The following POLR1F variants were observed in gnomAD, a reference collection of about 807,000 sequenced individuals.
POLR1F encodes the protein RNA polymerase I subunit F.
A neutral mutation model predicts 21.8 loss-of-function variants in POLR1F; 23 were observed. The observed-to-expected ratio is 1.05, with a 90% confidence interval of 0.76 to 1.49. The LOEUF (loss-of-function observed/expected upper bound fraction) is 1.49. Among genes scored for constraint, POLR1F ranks in the 40% most tolerant of loss-of-function variants. The pLI, the probability that POLR1F is intolerant of heterozygous loss-of-function variation, is 0.00. For synonymous variants in POLR1F, 162 were observed against 152.8 expected, an observed-to-expected ratio of 1.06 and a Z score of -0.45; for missense variants, 435 against 412.1, an observed-to-expected ratio of 1.06 and a Z score of -0.48.
chr7:19,706,561 A>C (rs1783528486), intron 1 of POLR1F, among the ~76,000 whole-genome samples: 1 of 152,192 alleles, frequency 6.6e-6, no homozygotes, highest in Non-Finnish European at 1.5e-5. Context: ...GTCTGATACA[A>C]TGAGGAAATG....
At chr7:19,698,792 C>T (rs958105158) in intron 3 of POLR1F, 65 bp from the exon 4 acceptor site, 7 of 1,315,026 alleles carry the variant, frequency 5.3e-6, no homozygotes, top group Admixed American at 5.4e-5. Context: ...AAATTGAGAT[C>T]AAGATATCCC....
rs770139168 is a variant in POLR1F at position 19,697,354 on chromosome 7, G to A, written c.*962C>T. 2.0e-5 allele frequency: 3 copies of A among 152,090 alleles called. No individual in the cohort carries two copies. The highest frequency in any genetic ancestry group is 4.4e-5 in the Non-Finnish European group (3 of 67,982). 9.4% of individuals were successfully genotyped at this position (152,090 alleles called of 1,614,324 possible). A position where few individuals can be genotyped will look rare whatever the true frequency, so the allele number is the denominator to read the frequency against. On this transcript the variant is annotated 3_prime_UTR_variant, in exon 4 of 4. Coordinates refer to ENST00000222567, the MANE Select transcript of POLR1F (RefSeq NM_001002926.2). ...CAGAATGTGTTATACAAAGTAGATG[G>A]TCAAGTGTGTGGAAAATGAATAAAT...
Position 19,698,480 on chromosome 7 carries a change from G to C in POLR1F, c.853C>G (p.Gln285Glu), listed in dbSNP as rs1023296058. 6 of 1,611,842 alleles carry C rather than the reference G, an allele frequency of 3.7e-6. No homozygotes were observed. The highest frequency in any genetic ancestry group is 2.5e-6 in the Non-Finnish European group (3 of 1,179,438). ...ACAGGGTCCTGGTCCTGAACTTCCT[G>C]GTGCTTTTTCTTCTTCTTCTTTTTC... is the stretch of plus-strand genomic sequence containing the variant. ...PKKKKKKKKH[Q>E]EVQDQDPVFQ... The change falls in exon 4 of 4, where the codon CAG becomes GAG. Residue 285 changes from glutamine to glutamate, a missense_variant. Coordinates refer to ENST00000222567, the MANE Select transcript of POLR1F (RefSeq NM_001002926.2).
chr7:19,702,874 A>C (rs150777611), intron 2 of POLR1F, among the ~76,000 whole-genome samples: 12 of 152,332 alleles, frequency 7.9e-5, no homozygotes, highest in Non-Finnish European at 1.5e-4. Context: ...ACAATAGCAA[A>C]TGTTAATAAC....
rs746754453 is a variant in POLR1F at position 19,709,021 on chromosome 7, C to CT, written c.-6dup. ...CTCTGAGCAACCTGCAGCCATGCTGCTTGTCAAGGTTCCCACGGCGCGCGC... is the reference window on the plus strand; with the variant it reads ...CTCTGAGCAACCTGCAGCCATGCTGCTTTGTCAAGGTTCCCACGGCGCGCGC... On this transcript the variant is annotated 5_prime_UTR_variant, in exon 1 of 4. Transcript: ENST00000222567. The CT allele has an allele frequency of 1.3e-6, 2 of 1,566,894 alleles. No homozygotes were observed. Among genetic ancestry groups the CT allele is most frequent in the South Asian group, 2.2e-5 (2 of 89,520 alleles).
At chr7:19,707,254 C>T (rs538091960) in intron 1 of POLR1F, among the ~76,000 whole-genome samples, 9 of 152,174 alleles carry the variant, frequency 5.9e-5, no homozygotes, top group Non-Finnish European at 8.8e-5. Context: ...CCAGGGACTG[C>T]AGAGAAGTAC....
chr7:19,698,223 T>C lies in POLR1F; in HGVS notation c.*93A>G, dbSNP rs895041350. On this transcript the variant is annotated 3_prime_UTR_variant, in exon 4 of 4. Coordinates refer to ENST00000222567, the MANE Select transcript of POLR1F (RefSeq NM_001002926.2). ...AAGTATTTTCTGTTTTGTAAACTAC[T>C]GGCATACTTAACCTTTTCATATCAC... 1 of 1,182,744 alleles carries C rather than the reference T, an allele frequency of 8.5e-7. No homozygotes were observed. The highest frequency in any genetic ancestry group is 1.1e-6 in the Non-Finnish European group (1 of 888,030). 73.3% of individuals were successfully genotyped at this position (1,182,744 alleles called of 1,614,324 possible). A position where few individuals can be genotyped will look rare whatever the true frequency, so the allele number is the denominator to read the frequency against.
At position 19,702,629 on chromosome 7, in the gene POLR1F, A is replaced by C. The variant is rs557735433; in HGVS notation, c.396+2150T>G. ...TAATACCATTACAAGTTAACAGACAAGTCACAGATTGGAAGAAAATATTCA... is the reference window on the plus strand; with the variant it reads ...TAATACCATTACAAGTTAACAGACACGTCACAGATTGGAAGAAAATATTCA... On this transcript the variant is annotated intron_variant, in intron 2 of 3. Transcript: ENST00000222567. 3.3e-5 allele frequency among the ~76,000 whole-genome samples: 5 copies of C among 152,356 alleles called. No individual in the cohort carries two copies. The South Asian group carries it at 1.0e-3, about 32-fold the overall frequency.
intron 2 of POLR1F, 91 bp from the exon 3 acceptor site, chr7:19,700,371 T>A: frequency 1.0e-6 from 1 of 952,832 alleles, no homozygotes. Flanking sequence ...CAAATAATCT[T>A]CAAAGAACAA....
At chr7:19,707,995 G>T (rs768478074) in intron 1 of POLR1F, among the ~76,000 whole-genome samples, 1 of 152,002 alleles carries the variant, frequency 6.6e-6, no homozygotes, top group Non-Finnish European at 1.5e-5. Flanking sequence ...TTAGAACCCC[G>T]CTTTTAAACC....
intron 2 of POLR1F, among the ~76,000 whole-genome samples, chr7:19,704,175 T>A (rs867491025): frequency 1.3e-5 from 2 of 152,282 alleles, no homozygotes; most frequent in East Asian, 1.9e-4. Context: ...GAAAAGAACA[T>A]ATACACACAC....
intron 2 of POLR1F, among the ~76,000 whole-genome samples, chr7:19,702,847 A>G (rs1783462571): frequency 6.6e-6 from 1 of 152,226 alleles, no homozygotes; most frequent in Admixed American, 6.5e-5. Flanking sequence ...CTATATGCCC[A>G]TCAGTACAAT....
chr7:19,699,767 A>G (rs1472938625), intron 3 of POLR1F, among the ~76,000 whole-genome samples: 4 of 152,098 alleles, frequency 2.6e-5, no homozygotes, highest in African/African-American at 9.7e-5. Context: ...TTTCAAGTTT[A>G]GAGGTCAACT....
chr7:19,698,062 G>T lies in POLR1F; in HGVS notation c.*254C>A, dbSNP rs534099597. On this transcript the variant is annotated 3_prime_UTR_variant, in exon 4 of 4. Transcript: ENST00000222567. ...TAATTTTATGTAGAGTGCAAAACCT[G>T]GAAGAATATGAGAGCTGACAGTGAG... 4.0e-4 allele frequency: 124 copies of T among 313,374 alleles called. 1 individual carries two copies. The highest frequency in any genetic ancestry group is 2.5e-3 in the African/African-American group (118 of 46,734). 19.4% of individuals were successfully genotyped at this position (313,374 alleles called of 1,614,324 possible).
chr7:19,708,959 C>T lies in POLR1F; in HGVS notation c.58G>A (p.Val20Ile), dbSNP rs1051405838. The T allele has an allele frequency of 6.2e-7, 1 of 1,606,908 alleles. No homozygotes were observed. Among genetic ancestry groups the T allele is most frequent in the South Asian group, 1.1e-5 (1 of 90,952 alleles). The change falls in exon 1 of 4, where the codon GTA (valine) becomes ATA (isoleucine). Residue 20 changes from valine to isoleucine, a missense_variant. By Grantham distance (29) the Val-to-Ile change is conservative. Coordinates refer to ENST00000222567, the MANE Select transcript of POLR1F (RefSeq NM_001002926.2). ...RPAAASDGSLVGQAGVLPCLE... is the reference protein window; with the variant it reads ...RPAAASDGSLIGQAGVLPCLE... ...CAAGGCAGGACGCCAGCCTGCCCTACCAGAGACCCATCAGAAGCCGCCGCT... is the reference window on the plus strand; with the variant it reads ...CAAGGCAGGACGCCAGCCTGCCCTATCAGAGACCCATCAGAAGCCGCCGCT...
intron 2 of POLR1F, among the ~76,000 whole-genome samples, chr7:19,703,252 T>C (rs1051572284): frequency 6.6e-6 from 1 of 152,144 alleles, no homozygotes; most frequent in Non-Finnish European, 1.5e-5. Context: ...TATGGAACTA[T>C]AGAATAAGCA....
Position 19,696,835 on chromosome 7 carries a change from G to A in POLR1F, c.*1481C>T, listed in dbSNP as rs1429356176. On this transcript the variant is annotated 3_prime_UTR_variant, in exon 4 of 4. Coordinates refer to ENST00000222567, the MANE Select transcript of POLR1F (RefSeq NM_001002926.2). ...TTTTTTGGTACATCTTTAAAATCTGGTATGTATTTTATACTGACAGCACAT... is the reference window on the plus strand; with the variant it reads ...TTTTTTGGTACATCTTTAAAATCTGATATGTATTTTATACTGACAGCACAT... 1 of 151,924 alleles carries A rather than the reference G, an allele frequency of 6.6e-6. No homozygotes were observed. Among genetic ancestry groups the A allele is most frequent in the African/African-American group, 2.4e-5 (1 of 41,374 alleles). The allele number at this position is 151,924 out of a possible 1,614,324, so 9.4% of individuals were successfully genotyped here.
chr7:19,700,417 G>C, intron 2 of POLR1F, 137 bp from the exon 3 acceptor site: 1 of 672,972 alleles, frequency 1.5e-6, no homozygotes, highest in Middle Eastern at 3.4e-4. Flanking sequence ...TATGGAAAAA[G>C]TTTACCTCAA....
In POLR1F at chr7:19,708,977, CCGCCGCTGGCCGCGG is replaced by C; in HGVS notation, c.25_39del (p.Pro9_Ala13del). The C allele has an allele frequency of 6.3e-7, 1 of 1,597,416 alleles. No homozygotes were observed. Among genetic ancestry groups the C allele is most frequent in the African/African-American group, 1.3e-5 (1 of 74,706 alleles). On this transcript the variant is annotated inframe_deletion, in exon 1 of 4. Transcript: ENST00000222567. ...TGCCCTACCAGAGACCCATCAGAAG[CCGCCGCTGGCCGCGG>C]CGCCTCTGAGCAACCTGCAGCCATG...
Sources: allele counts gnomAD v4.1 joint callset (sites outside exome capture counted in the v4.1 genomes callset), GRCh38; gene constraint gnomAD v4.1.1; transcripts MANE v1.5; gene names NCBI Gene and HGNC (gene_info 2026-07-23, HGNC 2026-07-21).